NTNG1: variants seen among roughly 807,000 people sequenced by gnomAD.
NTNG1 encodes netrin-G1.
Under a neutral mutation model 54.0 loss-of-function variants are expected in NTNG1, and 16 were observed. The observed-to-expected ratio is 0.30, with a 90% CI of 0.20 to 0.45. NTNG1 has a LOEUF of 0.45. Among genes scored for constraint, NTNG1 ranks in the 20% least tolerant of loss-of-function variants. The pLI, the probability that NTNG1 is intolerant of heterozygous loss-of-function variation, is 1.00. For missense variants in NTNG1, 530 were observed against 678.7 expected, an observed-to-expected ratio of 0.78 and a Z score of 2.43; for synonymous variants, 255 against 263.1, an observed-to-expected ratio of 0.97 and a Z score of 0.30.
At chr1:107,458,997 T>C (rs1407501335) in intron 7 of NTNG1, among the ~76,000 whole-genome samples, 1 of 152,218 alleles carries the variant, frequency 6.6e-6, no homozygotes, top group Non-Finnish European at 1.5e-5. Context: ...CTAAATGCTG[T>C]TTTAAAGTCA....
intron 2 of NTNG1, among the ~76,000 whole-genome samples, chr1:107,313,993 T>A (rs1667180344): frequency 6.6e-6 from 1 of 152,244 alleles, no homozygotes; most frequent in Non-Finnish European, 1.5e-5. Context: ...AGTGATCTAC[T>A]GAAAAGTTTA....
At chr1:107,446,409 T>A (rs933186903) in intron 7 of NTNG1, among the ~76,000 whole-genome samples, 1 of 152,082 alleles carries the variant, frequency 6.6e-6, no homozygotes, top group Non-Finnish European at 1.5e-5. Context: ...AAGGGATCAT[T>A]CAGTTGTATT....
At chr1:107,168,473 C>G (rs1451134378) in intron 2 of NTNG1, among the ~76,000 whole-genome samples, 3 of 152,022 alleles carry the variant, frequency 2.0e-5, no homozygotes, top group Non-Finnish European at 4.4e-5. Flanking sequence ...TTTTCCATAT[C>G]TGCTTTAACT....
intron 2 of NTNG1, among the ~76,000 whole-genome samples, chr1:107,318,947 TAC>T (rs1557895310): frequency 1.3e-5 from 2 of 152,132 alleles, no homozygotes; most frequent in African/African-American, 4.8e-5. Context: ...TCTGAAGATA[TAC>T]AGTTTGTCTC....
chr1:107,377,359 C>T (rs1320603754), intron 3 of NTNG1, among the ~76,000 whole-genome samples: 1 of 152,180 alleles, frequency 6.6e-6, no homozygotes, highest in Non-Finnish European at 1.5e-5. Context: ...AAGAGAACTC[C>T]TTTATCCCTC....
At chr1:107,324,955 C>T (rs200521835) in intron 3 of NTNG1, 33 bp downstream of exon 3, 46 of 1,562,662 alleles carry the variant, frequency 2.9e-5, no homozygotes, top group East Asian at 1.1e-4. Context: ...TCAATGGGAA[C>T]GGGTGTGTCC....
chr1:107,348,113 TTTATTATTATTA>T (rs147243583), intron 3 of NTNG1, among the ~76,000 whole-genome samples: 3 of 148,414 alleles, frequency 2.0e-5, no homozygotes, highest in Non-Finnish European at 3.0e-5. Context: ...TTTGTTTGCT[TTTATTATTATTA>T]TTATTATTAT....
At chr1:107,418,997 T>G (rs1336290527) in intron 5 of NTNG1, among the ~76,000 whole-genome samples, 1 of 152,024 alleles carries the variant, frequency 6.6e-6, no homozygotes, top group Non-Finnish European at 1.5e-5. Flanking sequence ...CTCTTATTTT[T>G]AAGTCAACCA....
intron 2 of NTNG1, among the ~76,000 whole-genome samples, chr1:107,273,548 T>C (rs1329579278): frequency 1.3e-5 from 2 of 152,272 alleles, no homozygotes; most frequent in Middle Eastern, 3.4e-3. Flanking sequence ...GCAGCCATGC[T>C]TGCTGTCTTT....
intron 7 of NTNG1, among the ~76,000 whole-genome samples, chr1:107,462,121 G>A (rs776172502): frequency 6.6e-6 from 1 of 152,134 alleles, no homozygotes; most frequent in Non-Finnish European, 1.5e-5. Context: ...AAATTTTCAG[G>A]TGGTCTGAAG....
intron 3 of NTNG1, among the ~76,000 whole-genome samples, chr1:107,347,642 G>T (rs1669329680): frequency 2.0e-5 from 3 of 152,188 alleles, no homozygotes; most frequent in Admixed American, 2.0e-4. Flanking sequence ...TGATTTATCT[G>T]TGTTAGTCCA....
intron 2 of NTNG1, among the ~76,000 whole-genome samples, chr1:107,291,328 A>T (rs1452060690): frequency 6.6e-6 from 1 of 152,116 alleles, no homozygotes; most frequent in Non-Finnish European, 1.5e-5. Context: ...TGTGTAACCA[A>T]TTCTTTATTT....
chr1:107,149,737 A>G (rs1163338008), intron 2 of NTNG1, among the ~76,000 whole-genome samples: 1 of 152,116 alleles, frequency 6.6e-6, no homozygotes, highest in Non-Finnish European at 1.5e-5. Context: ...TTAATGTGCT[A>G]AAGAGTTCAG....
chr1:107,203,167 G>A (rs926450173), intron 2 of NTNG1, among the ~76,000 whole-genome samples: 1 of 151,568 alleles, frequency 6.6e-6, no homozygotes, highest in Non-Finnish European at 1.5e-5. Flanking sequence ...AATGTAGCAA[G>A]AATGTTCTTT....
At chr1:107,340,172 T>C (rs1045195846) in intron 3 of NTNG1, among the ~76,000 whole-genome samples, 1 of 152,106 alleles carries the variant, frequency 6.6e-6, no homozygotes, top group East Asian at 1.9e-4. Context: ...GATTATCTAA[T>C]GGTTGAAAAT....
intron 2 of NTNG1, among the ~76,000 whole-genome samples, chr1:107,193,070 A>G (rs1407489063): frequency 6.6e-6 from 1 of 152,068 alleles, no homozygotes; most frequent in Non-Finnish European, 1.5e-5. Context: ...AACATATACT[A>G]ATTGTTCAAT....
At position 107,482,089 on chromosome 1, in the gene NTNG1, T is replaced by TAAAAAAAAAAAA. The variant is rs1678763619; in HGVS notation, c.*1249_*1250insAAAAAAAAAAAA. The TAAAAAAAAAAAA allele has an allele frequency of 9.7e-6, 1 of 102,880 alleles. No homozygotes were observed. Among genetic ancestry groups the TAAAAAAAAAAAA allele is most frequent in the Non-Finnish European group, 2.3e-5 (1 of 44,002 alleles). The allele number at this position is 102,880 out of a possible 1,614,324, so 6.4% of individuals were successfully genotyped here. A position where few individuals can be genotyped will look rare whatever the true frequency, so the allele number is the denominator to read the frequency against. ...AAAAAAAAAAAAAAAAAAATCTAAGTGATTGCCAAGATTATGCCAAAGCCT... is the reference window on the plus strand; with the variant it reads ...AAAAAAAAAAAAAAAAAAATCTAAGTAAAAAAAAAAAAGATTGCCAAGATTATGCCAAAGCCT... On this transcript the variant is annotated 3_prime_UTR_variant, in exon 8 of 8. Coordinates refer to ENST00000370068, the MANE Select transcript of NTNG1 (RefSeq NM_001113226.3).
chr1:107,149,509 G>A (rs535187591), intron 2 of NTNG1, among the ~76,000 whole-genome samples: 4 of 152,264 alleles, frequency 2.6e-5, no homozygotes, highest in African/African-American at 7.2e-5. Flanking sequence ...GAAAAGCAAG[G>A]ACTCAGCATA....
chr1:107,261,202 T>C (rs1663299629), intron 2 of NTNG1, among the ~76,000 whole-genome samples: 1 of 152,210 alleles, frequency 6.6e-6, no homozygotes, highest in Admixed American at 6.5e-5. Context: ...GTACTGGAGA[T>C]ATGAAAATGA....
Sources: gnomAD v4.1 joint callset for allele counts (sites outside exome capture counted in the v4.1 genomes callset) on GRCh38, gnomAD v4.1.1 for gene constraint, MANE v1.5 for transcripts, NCBI Gene and HGNC (gene_info 2026-07-23, HGNC 2026-07-21) for gene names.